Variants in EIF2AK1 observed in about 807,000 individuals in gnomAD.
EIF2AK1 encodes eukaryotic translation initiation factor 2-alpha kinase 1.
In EIF2AK1, 54 loss-of-function variants were observed where a neutral mutation model predicts 77.9. The observed-to-expected ratio is 0.69, with a 90% confidence interval of 0.56 to 0.87. EIF2AK1 has a LOEUF of 0.87. EIF2AK1 is among the 40% of genes least tolerant of loss of function. EIF2AK1 has a pLI of 0.00. For synonymous variants in EIF2AK1, 314 were observed against 290.5 expected (o/e 1.08, Z -0.82); for missense variants, 810 against 768.6 (o/e 1.05, Z -0.64).
At chr7:6,026,658 C>T (rs1787755580) in intron 14 of EIF2AK1, 70 bp downstream of exon 14, 9 of 1,300,282 alleles carry the variant, frequency 6.9e-6, no homozygotes, top group South Asian at 1.2e-5. Context: ...ACCACCCAAC[C>T]GCTTCCTTCC....
chr7:6,026,513 G>A, intron 14 of EIF2AK1: 1 of 692,550 alleles, frequency 1.4e-6, no homozygotes, highest in Admixed American at 2.0e-5. Flanking sequence ...TGCCTGCTGA[G>A]GCCACAGCTG....
At chr7:6,040,826 G>A (rs1788275056) in intron 9 of EIF2AK1, 66 bp downstream of exon 9, 4 of 1,323,942 alleles carry the variant, frequency 3.0e-6, no homozygotes, top group Non-Finnish European at 4.3e-6. Flanking sequence ...GAGGGCGAGA[G>A]AAGGCCACAC....
rs971619399 is a variant in EIF2AK1 at position 6,059,050 on chromosome 7, C to T, written c.34G>A (p.Glu12Lys). ...QGGNSGVRKR[E>K]EEGDGAGAVA... is the part of the protein sequence containing the mutation. ...GCCCCAGCCCCGTCGCCCTCCTCTT[C>T]GCGCTTGCGGACCCCGGAGTTGCCC... Residue 12 changes from glutamate to lysine, a missense_variant, in exon 1 of 15, where the codon GAA (glutamate) becomes AAA (lysine). Glu to Lys is a moderately conservative substitution (Grantham distance 56). Coordinates refer to ENST00000199389, the MANE Select transcript of EIF2AK1 (RefSeq NM_014413.4). 1.3e-6 allele frequency: 2 copies of T among 1,501,128 alleles called. No individual in the cohort carries two copies. Among genetic ancestry groups the T allele is most frequent in the Non-Finnish European group, 1.8e-6 (2 of 1,130,828 alleles). The allele number at this position is 1,501,128 out of a possible 1,614,324, so 93.0% of individuals were successfully genotyped here. A position where few individuals can be genotyped will look rare whatever the true frequency, so the allele number is the denominator to read the frequency against.
chr7:6,053,547 T>G (rs936710029), intron 2 of EIF2AK1, among the ~76,000 whole-genome samples: 8 of 152,024 alleles, frequency 5.3e-5, no homozygotes, highest in Non-Finnish European at 1.0e-4. Flanking sequence ...GTATTTTTAG[T>G]AGAGACAGGG....
chr7:6,035,767 ATAAGGAG>A lies in EIF2AK1; in HGVS notation c.1332+1650_1332+1656del. 1 of 1,551,180 alleles carries A rather than the reference ATAAGGAG, an allele frequency of 6.4e-7. No individual in the cohort carries two copies. On this transcript the variant is annotated intron_variant, in intron 11 of 14. Transcript: ENST00000199389. This position sits in a 1 kb window ranked among gnomAD's most constrained non-coding sequence, Gnocchi z 5.5. ...CTTCACATGGCCGCAAACATGCTGAATAAGGAGATGATGGAAACGCTCATTGCCTATG... is the reference window on the plus strand; with the variant it reads ...CTTCACATGGCCGCAAACATGCTGAAATGATGGAAACGCTCATTGCCTATG...
At chr7:6,046,856 T>C (rs41280717) in intron 5 of EIF2AK1, 136 bp downstream of exon 5, 60,433 of 715,838 alleles carry the variant, frequency 0.084, 2,849 homozygotes, top group Admixed American at 0.11. Flanking sequence ...GAGCTGAGAT[T>C]GCGCCGCGCA....
intron 6 of EIF2AK1, among the ~76,000 whole-genome samples, chr7:6,045,516 T>C (rs1788422140): frequency 6.6e-6 from 1 of 151,918 alleles, no homozygotes. Flanking sequence ...CATTCTCTCT[T>C]TTGATTCCTA....
chr7:6,044,442 A>C, intron 7 of EIF2AK1, 120 bp downstream of exon 7: 1 of 796,266 alleles, frequency 1.3e-6, no homozygotes, highest in Non-Finnish European at 1.9e-6. Flanking sequence ...CGTCTCAAAA[A>C]AAAATATGTA....
chr7:6,048,545 C>T (rs1189125756), intron 4 of EIF2AK1, among the ~76,000 whole-genome samples: 1 of 152,102 alleles, frequency 6.6e-6, no homozygotes, highest in Non-Finnish European at 1.5e-5. Flanking sequence ...ATTCAATGGT[C>T]CCCCTAACAG....
At position 6,023,380 on chromosome 7, in the gene EIF2AK1, TTC is replaced by T. The variant is rs760123492; in HGVS notation, c.*1291_*1292del. The T allele has an allele frequency of 2.5e-6, 4 of 1,614,174 alleles. No individual in the cohort carries two copies. Among genetic ancestry groups the T allele is most frequent in the Admixed American group, 3.3e-5 (2 of 60,004 alleles). On this transcript the variant is annotated 3_prime_UTR_variant, in exon 15 of 15. Coordinates refer to ENST00000199389, the MANE Select transcript of EIF2AK1 (RefSeq NM_014413.4). ...CGAAGGGAACATTGCACGTTTCTTG[TTC>T]TCTCTGTTTGGCCAGAAGCATAATG...
chr7:6,031,268 G>T, intron 11 of EIF2AK1: 1 of 1,120,990 alleles, frequency 8.9e-7, no homozygotes, highest in South Asian at 1.5e-5. Flanking sequence ...TCCAATTCTC[G>T]ACAAATTCTA....
At position 6,035,789 on chromosome 7, in the gene EIF2AK1, C is replaced by T; in HGVS notation, c.1332+1635G>A. ...TGAATAAGGAGATGATGGAAACGCT[C>T]ATTGCCTATGGAGCAAACGTCAACT... On this transcript the variant is annotated intron_variant, in intron 11 of 14. Coordinates refer to ENST00000199389, the MANE Select transcript of EIF2AK1 (RefSeq NM_014413.4). The surrounding 1 kb of genome is among the most constrained non-coding windows in gnomAD (Gnocchi z 5.5). The T allele has an allele frequency of 6.4e-7, 1 of 1,551,084 alleles. No homozygotes were observed. Among genetic ancestry groups the T allele is most frequent in the Non-Finnish European group, 8.7e-7 (1 of 1,147,078 alleles).
chr7:6,024,163 A>G lies in EIF2AK1; in HGVS notation c.*510T>C, dbSNP rs1262688162. The G allele has an allele frequency of 7.8e-7, 1 of 1,281,874 alleles. No homozygotes were observed. Among genetic ancestry groups the G allele is most frequent in the African/African-American group, 1.5e-5 (1 of 65,574 alleles). The allele number at this position is 1,281,874 out of a possible 1,614,324, so 79.4% of individuals were successfully genotyped here. On this transcript the variant is annotated 3_prime_UTR_variant, in exon 15 of 15. Coordinates refer to ENST00000199389, the MANE Select transcript of EIF2AK1 (RefSeq NM_014413.4). ...AAAGGTTGGAAGTTGCACACTGTAC[A>G]CTGTTAAGAAGTTGAGCTTTTATCT...
chr7:6,025,609 GTC>G lies in EIF2AK1; in HGVS notation c.1765-810_1765-809del, dbSNP rs1471623887. On this transcript the variant is annotated intron_variant, in intron 14 of 14. Coordinates refer to ENST00000199389, the MANE Select transcript of EIF2AK1 (RefSeq NM_014413.4). ...AAATATTTTGTTTGCACAAATATGAGTCTAAGCTCGACTATTCACTGAAACAG... is the reference window on the plus strand; with the variant it reads ...AAATATTTTGTTTGCACAAATATGAGTAAGCTCGACTATTCACTGAAACAG... 2.0e-5 allele frequency among the ~76,000 whole-genome samples: 3 copies of G among 152,348 alleles called. No homozygotes were observed. The East Asian group carries it at 5.8e-4, about 29-fold the overall frequency.
In EIF2AK1 at chr7:6,035,813, C is replaced by T. The variant is rs138987807; in HGVS notation, c.1332+1611G>A. On this transcript the variant is annotated intron_variant, in intron 11 of 14. Coordinates refer to ENST00000199389, the MANE Select transcript of EIF2AK1 (RefSeq NM_014413.4). The surrounding 1 kb of genome is among the most constrained non-coding windows in gnomAD (Gnocchi z 5.5). ...TCATTGCCTATGGAGCAAACGTCAA[C>T]TGTGCTGTCTCTTCCACGGGGAACA... The T allele has an allele frequency of 3.0e-3, 4,682 of 1,550,174 alleles. 21 individuals are homozygous for T. The highest frequency in any genetic ancestry group is 3.5e-3 in the Non-Finnish European group (3,978 of 1,146,350).
chr7:6,044,145 CTTCT>C (rs1583490942), intron 7 of EIF2AK1, among the ~76,000 whole-genome samples: 1 of 151,780 alleles, frequency 6.6e-6, no homozygotes, highest in East Asian at 1.9e-4. Context: ...TTCACAAAAT[CTTCT>C]GATTTTGTTT....
At chr7:6,042,017 C>T (rs992724957) in intron 8 of EIF2AK1, among the ~76,000 whole-genome samples, 2 of 151,914 alleles carry the variant, frequency 1.3e-5, no homozygotes, top group African/African-American at 2.4e-5. Flanking sequence ...GACATGGTGG[C>T]GCAAGCTTGT....
At chr7:6,038,462 T>C in intron 10 of EIF2AK1, 98 bp downstream of exon 10, 1 of 766,994 alleles carries the variant, frequency 1.3e-6, no homozygotes, top group Non-Finnish European at 2.1e-6. Context: ...AAATAAAAAA[T>C]AAAAATGAAA....
intron 1 of EIF2AK1, among the ~76,000 whole-genome samples, chr7:6,056,611 A>ATATATAT (rs1360501857): frequency 3.2e-5 from 1 of 31,160 alleles, no homozygotes; most frequent in Non-Finnish European, 7.7e-5. Flanking sequence ...AAAAAAAAAA[A>ATATATAT]AAATATATAT....
Sources: allele counts gnomAD v4.1 joint callset (sites outside exome capture counted in the v4.1 genomes callset), GRCh38; gene constraint gnomAD v4.1.1; non-coding constraint Gnocchi (gnomAD v3.1); transcripts MANE v1.5; gene names NCBI Gene and HGNC (gene_info 2026-07-23, HGNC 2026-07-21).